The following USP39 variants were observed in gnomAD, a reference collection of about 807,000 sequenced individuals.
USP39 encodes ubiquitin specific peptidase 39, also known as ubiquitin carboxyl-terminal hydrolase 39.
In USP39, 38 loss-of-function variants were observed where a neutral mutation model predicts 66.4. That is an observed-to-expected ratio of 0.57 (90% CI 0.44 to 0.75). USP39 has a LOEUF of 0.75. USP39 is among the 30% of genes least tolerant of loss of function. The pLI is 0.00. For missense variants in USP39, 608 were observed against 714.4 expected (o/e 0.85, Z 1.70); for synonymous variants, 303 against 274.6 (o/e 1.10, Z -1.02).
chr2:85,627,221 T>C lies in USP39; in HGVS notation c.723+1530T>C, dbSNP rs1306294244. The stretch of plus-strand genomic sequence containing the variant: ...AAGTGATTCTTCTGCCTTAGCCTCC[T>C]GAGTAGCTGGGATTACAGATGCCTG... On this transcript the variant is annotated intron_variant, in intron 5 of 12. Transcript: ENST00000323701. 3.3e-5 allele frequency among the ~76,000 whole-genome samples: 5 copies of C among 151,632 alleles called. No homozygotes were observed. The South Asian group carries it at 8.3e-4, about 25-fold the overall frequency.
At chr2:85,613,247 G>A (rs976809417), upstream of USP39, among the ~76,000 whole-genome samples, 4 of 152,014 alleles carry the variant, frequency 2.6e-5, no homozygotes, top group Admixed American at 6.6e-5. Context: ...GGTGGCTCAC[G>A]CCTGTAATCC....
intron 1 of USP39, among the ~76,000 whole-genome samples, chr2:85,604,965 C>T (rs1351701994): frequency 1.3e-5 from 2 of 152,114 alleles, no homozygotes; most frequent in African/African-American, 2.4e-5. Context: ...TAGAATTATC[C>T]CAGGATGGAG....
intron 3 of USP39, among the ~76,000 whole-genome samples, chr2:85,621,885 G>T (rs1003089221): frequency 5.7e-5 from 7 of 121,812 alleles, no homozygotes; most frequent in Non-Finnish European, 1.0e-4. Flanking sequence ...GTGTTGCCCA[G>T]GTTGGCTCAC....
rs988728994 is a variant in USP39, at chr2:85,648,953, G to A, written c.*145G>A. 3.2e-5 allele frequency: 28 copies of A among 876,978 alleles called. No individual in the cohort carries two copies. The highest frequency in any genetic ancestry group is 4.9e-5 in the Non-Finnish European group (27 of 549,242). The allele number at this position is 876,978 out of a possible 1,614,324, so 54.3% of individuals were successfully genotyped here. A position where few individuals can be genotyped will look rare whatever the true frequency, so the allele number is the denominator to read the frequency against. On this transcript the variant is annotated 3_prime_UTR_variant, in exon 13 of 13. Coordinates refer to ENST00000323701, the MANE Select transcript of USP39 (RefSeq NM_006590.4). ...GGTTCTGGCTACACCAGAGCACCAAGAGCCCACTTGCCTGGGATGGCCCCA... is the reference window on the plus strand; with the variant it reads ...GGTTCTGGCTACACCAGAGCACCAAAAGCCCACTTGCCTGGGATGGCCCCA...
chr2:85,611,657 G>A, upstream of USP39: 2 of 1,559,674 alleles, frequency 1.3e-6, no homozygotes, highest in Non-Finnish European at 1.7e-6. Context: ...AGGCGGGGCG[G>A]GCGGCCTCAC....
At chr2:85,611,939 C>G (rs764957672), upstream of USP39, 10 of 1,584,344 alleles carry the variant, frequency 6.3e-6, no homozygotes, top group Admixed American at 1.7e-5. Context: ...AGCCGCCCCC[C>G]AGGCTTGCAG....
At chr2:85,639,091 T>G in intron 8 of USP39, 112 bp from the exon 9 acceptor site, 1 of 1,148,370 alleles carries the variant, frequency 8.7e-7, no homozygotes. Flanking sequence ...CTCGGGCACT[T>G]CTCTTTGTTC....
At chr2:85,616,850 C>T (rs945688026) in intron 1 of USP39, among the ~76,000 whole-genome samples, 1 of 151,534 alleles carries the variant, frequency 6.6e-6, no homozygotes, top group Admixed American at 6.6e-5. Flanking sequence ...CCACCACGCC[C>T]GGCTAATTTT....
chr2:85,634,612 G>C (rs1675619579), intron 6 of USP39, among the ~76,000 whole-genome samples: 1 of 152,102 alleles, frequency 6.6e-6, no homozygotes, highest in Non-Finnish European at 1.5e-5. Context: ...TTCTAAACAG[G>C]TGACAGCCTG....
At chr2:85,638,055 C>G (rs1438732608) in intron 8 of USP39, among the ~76,000 whole-genome samples, 5 of 151,302 alleles carry the variant, frequency 3.3e-5, no homozygotes, top group Non-Finnish European at 7.4e-5. Flanking sequence ...GAGTTTTGCT[C>G]TTGTTGACCA....
At chr2:85,608,102 A>G (rs545386121), upstream of USP39, 2 of 152,220 alleles carry the variant, frequency 1.3e-5, no homozygotes, top group Non-Finnish European at 2.9e-5. Flanking sequence ...TGAGCAGAGG[A>G]CAGTCTGTTC....
At chr2:85,627,067 GT>G (rs1398351914) in intron 5 of USP39, among the ~76,000 whole-genome samples, 2 of 151,336 alleles carry the variant, frequency 1.3e-5, no homozygotes, top group Non-Finnish European at 2.9e-5. Context: ...ATTAAAAGTT[GT>G]TTTTAAGAAA....
In USP39 at chr2:85,637,171, T is replaced by G. The variant is rs540488780; in HGVS notation, c.1028-198T>G. Among the ~76,000 whole-genome samples, 105 of 152,284 alleles carry G rather than the reference T, an allele frequency of 6.9e-4. 2 individuals are homozygous for G. The highest frequency in any genetic ancestry group is 9.4e-4 in the Non-Finnish European group (64 of 68,010). ...GGATAAAAAGTTGTCTTAAGAGAAA[T>G]AAAGTAATTATTTACACAAATAATT... On this transcript the variant is annotated intron_variant, in intron 7 of 12. Coordinates refer to ENST00000323701, the MANE Select transcript of USP39 (RefSeq NM_006590.4).
chr2:85,649,104 G>C lies in USP39; in HGVS notation c.*296G>C, dbSNP rs943399830. ...TCCAGATGTGTGTAACTTATGTCTT[G>C]AGTATCTGGGAGTAGTTGAAGAACA... is the stretch of plus-strand genomic sequence containing the variant. On this transcript the variant is annotated 3_prime_UTR_variant, in exon 13 of 13. Coordinates refer to ENST00000323701, the MANE Select transcript of USP39 (RefSeq NM_006590.4). The C allele has an allele frequency of 3.1e-5, 10 of 326,852 alleles. No individual in the cohort carries two copies. The Admixed American group carries it at 4.4e-4, about 14-fold the overall frequency. The allele number at this position is 326,852 out of a possible 1,614,324, so 20.2% of individuals were successfully genotyped here.
chr2:85,633,395 T>C (rs1464550141), intron 6 of USP39, among the ~76,000 whole-genome samples: 2 of 152,160 alleles, frequency 1.3e-5, no homozygotes, highest in Non-Finnish European at 2.9e-5. Flanking sequence ...AGTGCTGGGA[T>C]TACAGGTGTG....
chr2:85,639,173 T>G (rs760586643), intron 8 of USP39, 30 bp from the exon 9 acceptor site: 14 of 1,597,516 alleles, frequency 8.8e-6, no homozygotes, highest in Non-Finnish European at 1.1e-5. Context: ...TCACACTCCT[T>G]TCCTCTCTTT....
intron 5 of USP39, among the ~76,000 whole-genome samples, chr2:85,629,405 T>A (rs1433330356): frequency 4.6e-5 from 7 of 152,138 alleles, no homozygotes; most frequent in African/African-American, 1.4e-4. Context: ...CCTGTGTTTC[T>A]TCCTGAAATT....
chr2:85,611,259 G>C, upstream of USP39: 1 of 1,377,690 alleles, frequency 7.3e-7, no homozygotes, highest in Admixed American at 3.5e-5. Context: ...AAAATTGACC[G>C]TCATATATTA....
Position 85,648,827 on chromosome 2 carries a change from T to C in USP39, c.*19T>C. The C allele has an allele frequency of 1.2e-6, 2 of 1,613,956 alleles. No individual in the cohort carries two copies. Among genetic ancestry groups the C allele is most frequent in the Non-Finnish European group, 1.7e-6 (2 of 1,179,938 alleles). On this transcript the variant is annotated 3_prime_UTR_variant, in exon 13 of 13. Transcript: ENST00000323701. ...GGCTTGAAGGAGGCGTCTAGGGCTT[T>C]GCTCCCAAGGGCTGTGGCTGATGAT... is the stretch of plus-strand genomic sequence containing the variant.
Sources: gnomAD v4.1 joint callset for allele counts (sites outside exome capture counted in the v4.1 genomes callset) on GRCh38, gnomAD v4.1.1 for gene constraint, MANE v1.5 for transcripts, NCBI Gene and HGNC (gene_info 2026-07-23, HGNC 2026-07-21) for gene names.